Variants in USH2A observed in about 807,000 individuals in gnomAD.
USH2A encodes usherin.
USH2A carries 443 observed loss-of-function variants against 538.9 expected under a neutral mutation model. That is an observed-to-expected ratio of 0.82 (90% CI 0.76 to 0.89). The LOEUF is 0.89. USH2A is among the 40% of genes least tolerant of loss of function. USH2A has a pLI of 0.00. For synonymous variants in USH2A, 2,413 were observed against 2,273.5 expected (o/e 1.06, Z -1.75); for missense variants, 6,633 against 6,324.8 (o/e 1.05, Z -1.65).
chr1:216,048,581 C>T lies in USH2A; in HGVS notation c.6116G>A (p.Gly2039Asp), dbSNP rs771891583. 2 of 1,614,046 alleles carry T rather than the reference C, an allele frequency of 1.2e-6. No individual in the cohort carries two copies. Among genetic ancestry groups the T allele is most frequent in the Admixed American group, 1.7e-5 (1 of 60,006 alleles). The change falls in exon 31 of 72, where the codon GGC (glycine) becomes GAC (aspartate). Residue 2039 changes from glycine (G) to aspartate (D), a missense_variant. Coordinates refer to ENST00000307340, the MANE Select transcript of USH2A (RefSeq NM_206933.4). The part of the protein sequence containing the change: ...AVTLTACTLA[G>D]CTESSHALNI... ...CAATGCATGTGAGCTCTCAGTACAG[C>T]CAGCCAAAGTGCAAGCAGTTAGGGT...
intron 30 of USH2A, among the ~76,000 whole-genome samples, chr1:216,059,592 C>T (rs1056826913): frequency 6.6e-6 from 1 of 152,110 alleles, no homozygotes; most frequent in Admixed American, 6.5e-5. Context: ...TTTCCTCCAT[C>T]CCTTACCCAT....
intron 60 of USH2A, among the ~76,000 whole-genome samples, chr1:215,734,713 T>A (rs1173052081): frequency 6.6e-6 from 1 of 152,194 alleles, no homozygotes; most frequent in Non-Finnish European, 1.5e-5. Context: ...TACTCTTAAG[T>A]TCTCACTTTC....
intron 35 of USH2A, among the ~76,000 whole-genome samples, chr1:215,981,880 T>G (rs1220202935): frequency 6.6e-6 from 1 of 152,194 alleles, no homozygotes; most frequent in Non-Finnish European, 1.5e-5. Context: ...GGGAGCACTA[T>G]GCTATTGACA....
In USH2A at chr1:215,796,483, T is replaced by C. The variant is rs934656233; in HGVS notation, c.9958+2424A>G. Among the ~76,000 whole-genome samples, 8 of 152,140 alleles carry C rather than the reference T, an allele frequency of 5.3e-5. 1 individual carries two copies. The highest frequency in any genetic ancestry group is 8.8e-5 in the Non-Finnish European group (6 of 68,030). Reference sequence around the variant, plus strand: ...TGGTCAATGACCTTTGATGTTACTATGGTAATTGTTTTAGCGTGTCATGAA... The same window carrying C: ...TGGTCAATGACCTTTGATGTTACTACGGTAATTGTTTTAGCGTGTCATGAA... On this transcript the variant is annotated intron_variant, in intron 50 of 71. Transcript: ENST00000307340.
chr1:215,835,649 C>T (rs1369143129), intron 47 of USH2A, among the ~76,000 whole-genome samples: 1 of 152,160 alleles, frequency 6.6e-6, no homozygotes, highest in Non-Finnish European at 1.5e-5. Context: ...TTGTGTCTCA[C>T]CCCATGATTT....
chr1:216,354,271 A>G (rs1267136252), intron 4 of USH2A, among the ~76,000 whole-genome samples: 4 of 152,158 alleles, frequency 2.6e-5, no homozygotes, highest in Admixed American at 2.6e-4. Context: ...AAAAACGCCA[A>G]AAAATATGAT....
At chr1:215,631,157 T>C (rs1656271855) in intron 70 of USH2A, among the ~76,000 whole-genome samples, 2 of 152,128 alleles carry the variant, frequency 1.3e-5, no homozygotes, top group Admixed American at 6.5e-5. Flanking sequence ...ATCTTACCTG[T>C]TCACAAGACG....
At chr1:215,869,144 A>ATTAT (rs971059203) in intron 43 of USH2A, among the ~76,000 whole-genome samples, 3 of 152,212 alleles carry the variant, frequency 2.0e-5, no homozygotes, top group African/African-American at 7.2e-5. Context: ...ATAAGGTGCT[A>ATTAT]TTATAATACC....
chr1:215,937,928 C>G (rs1288944075), intron 37 of USH2A, among the ~76,000 whole-genome samples: 1 of 151,716 alleles, frequency 6.6e-6, no homozygotes, highest in Non-Finnish European at 1.5e-5. Flanking sequence ...AACTGTAAAA[C>G]AAACAAAAAA....
Position 216,325,378 on chromosome 1 carries a change from T to G in USH2A, c.1070A>C (p.Asn357Thr). The change falls in exon 6 of 72, where the codon AAT becomes ACT. Residue 357 changes from asparagine (N) to threonine (T), a missense_variant. Transcript: ENST00000307340. ...DNDVGTSWVS[N>T]VFTNITQLNQ... ...AAGCTGTGTAATGTTTGTAAACACA[T>G]TTGAAACCCATGAAGTACCAACATC... 1 of 1,613,922 alleles carries G rather than the reference T, an allele frequency of 6.2e-7. No individual in the cohort carries two copies. The highest frequency in any genetic ancestry group is 1.1e-5 in the South Asian group (1 of 91,086).
At chr1:215,647,041 G>T (rs1468694697) in intron 67 of USH2A, among the ~76,000 whole-genome samples, 2 of 152,186 alleles carry the variant, frequency 1.3e-5, no homozygotes, top group East Asian at 3.8e-4. Context: ...ATCGTTAAGC[G>T]ATGCGTGACT....
chr1:216,403,927 C>T (rs1269313937), intron 3 of USH2A, among the ~76,000 whole-genome samples: 1 of 152,076 alleles, frequency 6.6e-6, no homozygotes, highest in African/African-American at 2.4e-5. Context: ...CCCTTCACAC[C>T]TCACTCTTCT....
At position 215,799,141 on chromosome 1, in the gene USH2A, A is replaced by T. The variant is rs1290349324; in HGVS notation, c.9740-16T>A. ...CATACTTCACCTGTCAATTTAGGAC[A>T]ATAATAATCATTACATCAGTTAAAA... On this transcript the variant is annotated splice_polypyrimidine_tract_variant and intron_variant, in intron 49 of 71. Coordinates refer to ENST00000307340, the MANE Select transcript of USH2A (RefSeq NM_206933.4). The T allele has an allele frequency of 2.5e-6, 4 of 1,608,450 alleles. No individual in the cohort carries two copies. In the South Asian group the frequency reaches 4.4e-5, roughly 18 times the overall value.
At chr1:216,134,851 G>A (rs947442073) in intron 21 of USH2A, among the ~76,000 whole-genome samples, 2 of 152,100 alleles carry the variant, frequency 1.3e-5, no homozygotes, top group African/African-American at 4.8e-5. Context: ...GTCAAGAATC[G>A]ATGGCAAGTA....
intron 32 of USH2A, among the ~76,000 whole-genome samples, chr1:216,022,819 A>T (rs1180690086): frequency 1.3e-5 from 2 of 152,132 alleles, no homozygotes; most frequent in Non-Finnish European, 2.9e-5. Context: ...CCTGGTGGAA[A>T]ACTATTCCAC....
chr1:215,859,511 G>A lies in USH2A; in HGVS notation c.8845+7496C>T, dbSNP rs563124777. 1.0e-3 allele frequency among the ~76,000 whole-genome samples: 155 copies of A among 152,104 alleles called. 1 individual carries two copies. The highest frequency in any genetic ancestry group is 3.6e-3 in the African/African-American group (149 of 41,564). ...ATCACACCACTGCACTCCAGCCTGA[G>A]TGACAGAATGAGACTCCATCTCCAA... On this transcript the variant is annotated intron_variant, in intron 44 of 71. Coordinates refer to ENST00000307340, the MANE Select transcript of USH2A (RefSeq NM_206933.4).
At chr1:216,169,514 T>G (rs994842860) in intron 21 of USH2A, among the ~76,000 whole-genome samples, 1 of 152,128 alleles carries the variant, frequency 6.6e-6, no homozygotes, top group Non-Finnish European at 1.5e-5. Context: ...CCTGAGAACT[T>G]ACTTATACCT....
rs1291515069 is a variant in USH2A, at chr1:215,790,280, T to C, written c.9961A>G (p.Met3321Val). The stretch of plus-strand genomic sequence containing the variant: ...ACATAATCCTGCCCACAACAGAACA[T>C]ACCTGCAACAATAAAATGTTATATA... The part of the protein sequence containing the change: ...EGVVYNRLPG[M>V]FCCGQDYVNM... The change falls in exon 51 of 72, where the codon ATG becomes GTG. Residue 3321 changes from methionine (M) to valine (V), a missense_variant and splice_region_variant. Transcript: ENST00000307340. The C allele has an allele frequency of 3.7e-6, 6 of 1,613,614 alleles. No homozygotes were observed. In the South Asian group the frequency reaches 4.4e-5, roughly 12 times the overall value.
chr1:216,088,333 T>C (rs2032198248), intron 23 of USH2A, among the ~76,000 whole-genome samples: 1 of 152,158 alleles, frequency 6.6e-6, no homozygotes, highest in African/African-American at 2.4e-5. Context: ...TGTTTAAATT[T>C]ATTTATTCTG....
Sources: gnomAD v4.1 joint callset for allele counts (sites outside exome capture counted in the v4.1 genomes callset) on GRCh38, gnomAD v4.1.1 for gene constraint, MANE v1.5 for transcripts, NCBI Gene and HGNC (gene_info 2026-07-23, HGNC 2026-07-21) for gene names.